Variants in ANK1 observed in about 807,000 individuals in gnomAD.
ANK1 encodes the protein ankyrin 1.
ANK1 carries 51 observed loss-of-function variants against 210.4 expected under a neutral mutation model. The ratio of observed to expected loss-of-function variants is 0.24; its 90% CI spans 0.19 to 0.31. The LOEUF is 0.31. Among genes scored for constraint, ANK1 ranks in the 10% least tolerant of loss-of-function variants. The pLI is 1.00. For synonymous variants in ANK1, 967 were observed against 1,025.9 expected (o/e 0.94, Z 1.10); for missense variants, 2,051 against 2,504.4 (o/e 0.82, Z 3.86).
intron 1 of ANK1, among the ~76,000 whole-genome samples, chr8:41,786,947 AAC>A (rs1846533170): frequency 6.6e-6 from 1 of 152,254 alleles, no homozygotes; most frequent in Non-Finnish European, 1.5e-5. Flanking sequence ...CGAATCACTC[AAC>A]ACAGCAAGGT....
At chr8:41,850,055 CAT>C (rs1810936651) in intron 1 of ANK1, among the ~76,000 whole-genome samples, 1 of 152,058 alleles carries the variant, frequency 6.6e-6, no homozygotes, top group Non-Finnish European at 1.5e-5. Context: ...CGCTCCCACA[CAT>C]GAGATCCTCA....
intron 1 of ANK1, among the ~76,000 whole-genome samples, chr8:41,852,450 T>C (rs1164905736): frequency 6.6e-6 from 1 of 152,164 alleles, no homozygotes; most frequent in Non-Finnish European, 1.5e-5. Flanking sequence ...CCTCCTACGC[T>C]GCTCACTGAG....
At chr8:41,678,126 T>C (rs1814791208) in intron 37 of ANK1, among the ~76,000 whole-genome samples, 1 of 152,056 alleles carries the variant, frequency 6.6e-6, no homozygotes, top group South Asian at 2.1e-4. Flanking sequence ...CAAGTTTCTG[T>C]CCATATTTCT....
intron 1 of ANK1, among the ~76,000 whole-genome samples, chr8:41,885,183 A>G (rs961644225): frequency 1.3e-5 from 2 of 152,210 alleles, no homozygotes; most frequent in African/African-American, 2.4e-5. Flanking sequence ...CACTGGAGTT[A>G]GCCTTAAAAG....
At chr8:41,691,809 G>A (rs1295976916) in intron 31 of ANK1, among the ~76,000 whole-genome samples, 3 of 152,116 alleles carry the variant, frequency 2.0e-5, no homozygotes, top group Non-Finnish European at 1.5e-5. Context: ...GGATAATAAA[G>A]GTACCCATAA....
At chr8:41,822,064 AAGAGAGAGAGAGAGAGAGAGAGAGAG>A (rs10605195) in intron 1 of ANK1, among the ~76,000 whole-genome samples, 6 of 36,242 alleles carry the variant, frequency 1.7e-4, no homozygotes, top group African/African-American at 7.3e-4. Context: ...GAAAGAAAGA[AAGAGAGAGAGAGAGAGAGAGAGAGAG>A]AGAGAGAGAG....
chr8:41,850,123 TATAAG>T (rs1810954689), intron 1 of ANK1, among the ~76,000 whole-genome samples: 1 of 152,154 alleles, frequency 6.6e-6, no homozygotes, highest in African/African-American at 2.4e-5. Flanking sequence ...CTTCACCCTT[TATAAG>T]ATAAGTAGAG....
chr8:41,888,642 A>G (rs1338842674), intron 1 of ANK1, among the ~76,000 whole-genome samples: 3 of 152,264 alleles, frequency 2.0e-5, no homozygotes, highest in Admixed American at 6.5e-5. Flanking sequence ...GTGTCTGCAC[A>G]TTATGAAGTG....
intron 1 of ANK1, among the ~76,000 whole-genome samples, chr8:41,763,537 T>G (rs574225470): frequency 3.9e-5 from 6 of 152,268 alleles, no homozygotes; most frequent in African/African-American, 1.4e-4. Context: ...TCTATGCCTT[T>G]CCACTGCCCT....
intron 11 of ANK1, 60 bp from the exon 12 acceptor site, chr8:41,717,762 G>C (rs1257766573): frequency 2.2e-6 from 3 of 1,384,622 alleles, no homozygotes; most frequent in East Asian, 2.5e-5. Flanking sequence ...CTGAAGAAGA[G>C]AGAACCTGAC....
At chr8:41,723,321 G>C (rs1829749649) in intron 8 of ANK1, 98 bp from the exon 9 acceptor site, 3 of 1,352,512 alleles carry the variant, frequency 2.2e-6, no homozygotes, top group Non-Finnish European at 3.2e-6. Context: ...GCCCACGCAA[G>C]TGCTGACGTT....
At chr8:41,783,954 C>T (rs1845839163) in intron 1 of ANK1, among the ~76,000 whole-genome samples, 1 of 151,726 alleles carries the variant, frequency 6.6e-6, no homozygotes, top group South Asian at 2.1e-4. Context: ...GTCCCAGCTA[C>T]AGGAGAATCA....
intron 33 of ANK1, 78 bp from the exon 34 acceptor site, chr8:41,688,667 G>T: frequency 7.5e-7 from 1 of 1,338,540 alleles, no homozygotes; most frequent in Non-Finnish European, 1.1e-6. Flanking sequence ...CTCCTATGCT[G>T]CAGGGGTGTG....
At chr8:41,838,767 A>AATAATAATAATAATAAT (rs1808289381) in intron 1 of ANK1, among the ~76,000 whole-genome samples, 3 of 140,546 alleles carry the variant, frequency 2.1e-5, no homozygotes, top group Admixed American at 2.1e-4. Flanking sequence ...TCCGTCTCAA[A>AATAATAATAATAATAAT]AATAATAATA....
At chr8:41,891,832 T>C (rs74712269) in intron 1 of ANK1, among the ~76,000 whole-genome samples, 2,328 of 152,358 alleles carry the variant, frequency 0.015, 54 homozygotes, top group African/African-American at 0.053. Flanking sequence ...AGTTGTGATA[T>C]GTTTTAAAGT....
At chr8:41,798,226 C>T (rs1160295447), upstream of ANK1, among the ~76,000 whole-genome samples, 2 of 152,046 alleles carry the variant, frequency 1.3e-5, no homozygotes, top group African/African-American at 4.8e-5. Context: ...CTGGAGCTCT[C>T]CAAGGCCGGG....
chr8:41,690,682 T>G, intron 31 of ANK1, 83 bp from the exon 32 acceptor site: 1 of 1,547,874 alleles, frequency 6.5e-7, no homozygotes, highest in African/African-American at 1.4e-5. Context: ...TCCTTCCCTC[T>G]CCAAGACACA....
At chr8:41,716,492 G>A (rs1827714603) in intron 13 of ANK1, among the ~76,000 whole-genome samples, 1 of 152,106 alleles carries the variant, frequency 6.6e-6, no homozygotes, top group African/African-American at 2.4e-5. Flanking sequence ...GTGGCCTGTG[G>A]TTAGGAAGCC....
intron 1 of ANK1, among the ~76,000 whole-genome samples, chr8:41,821,070 A>G (rs902944424): frequency 1.3e-5 from 2 of 152,188 alleles, no homozygotes; most frequent in African/African-American, 4.8e-5. Flanking sequence ...ACAGCTTTTC[A>G]GTGCTACTCC....
Sources: gnomAD v4.1 joint callset for allele counts (sites outside exome capture counted in the v4.1 genomes callset) on GRCh38, gnomAD v4.1.1 for gene constraint, MANE v1.5 for transcripts, NCBI Gene and HGNC (gene_info 2026-07-23, HGNC 2026-07-21) for gene names.